The following MAGI1 variants were observed in gnomAD, a reference collection of about 807,000 sequenced individuals.
The protein encoded by MAGI1 is membrane associated guanylate kinase, WW and PDZ domain containing 1.
A neutral mutation model predicts 139.9 loss-of-function variants in MAGI1; 58 were observed. The observed-to-expected ratio is 0.41, with a 90% CI of 0.34 to 0.52. MAGI1 has a LOEUF of 0.52. Ranked by LOEUF, MAGI1 falls within the 20% of genes least tolerant of loss-of-function variation. The pLI is 0.12. For missense variants in MAGI1, 1,874 were observed against 1,901.6 expected (o/e 0.99, Z 0.27); for synonymous variants, 812 against 737.9 (o/e 1.10, Z -1.63).
chr3:65,516,718 C>T (rs1392876946), intron 2 of MAGI1, among the ~76,000 whole-genome samples: 50 of 66,990 alleles, frequency 7.5e-4, no homozygotes, highest in East Asian at 1.7e-3. Flanking sequence ...CATCCCACCT[C>T]TTTTTTTTTT....
chr3:65,383,510 G>GAGAGACAAGCAAA, intron 15 of MAGI1, 22 bp downstream of exon 15: 1 of 1,569,862 alleles, frequency 6.4e-7, no homozygotes, highest in East Asian at 2.2e-5. Flanking sequence ...ATGCTGGGAA[G>GAGAGACAAGCAAA]AGAGACAAGC....
chr3:65,672,706 T>C (rs1345145826), intron 1 of MAGI1, among the ~76,000 whole-genome samples: 1 of 152,200 alleles, frequency 6.6e-6, no homozygotes, highest in African/African-American at 2.4e-5. Context: ...TCAATTCAGT[T>C]GATCAGATAC....
In MAGI1 at chr3:65,963,374, T is replaced by A. The variant is rs142585955; in HGVS notation, c.313+74622A>T. Reference sequence around the variant, plus strand: ...GGCTCACGCCTGTAATCCCACCACTTTGGGAGGCCAAGGTGGGTGGATCAC... The same window carrying A: ...GGCTCACGCCTGTAATCCCACCACTATGGGAGGCCAAGGTGGGTGGATCAC... On this transcript the variant is annotated intron_variant, in intron 1 of 22. Transcript: ENST00000402939. 2.5e-3 allele frequency among the ~76,000 whole-genome samples: 372 copies of A among 149,058 alleles called. 2 individuals are homozygous for A. Among genetic ancestry groups the A allele is most frequent in the African/African-American group, 8.0e-3 (323 of 40,212 alleles).
chr3:65,864,644 G>A (rs139373744), intron 1 of MAGI1, among the ~76,000 whole-genome samples: 1 of 152,332 alleles, frequency 6.6e-6, no homozygotes, highest in Non-Finnish European at 1.5e-5. Flanking sequence ...TTACTACAGA[G>A]AGGAGAAGGT....
At position 65,794,350 on chromosome 3, in the gene MAGI1, T is replaced by C. The variant is rs2039982604; in HGVS notation, c.314-172262A>G. On this transcript the variant is annotated intron_variant, in intron 1 of 22. Transcript: ENST00000402939. The stretch of plus-strand genomic sequence containing the variant: ...AAACTCAACAGCACCTTTTCCTCAG[T>C]TGCTGCTAAGGCATTTGGTCCTTCT... Among the ~76,000 whole-genome samples, 2 of 152,188 alleles carry C rather than the reference T, an allele frequency of 1.3e-5. 1 individual carries two copies. Among genetic ancestry groups the C allele is most frequent in the South Asian group, 4.1e-4 (2 of 4,828 alleles).
At position 65,604,192 on chromosome 3, in the gene MAGI1, C is replaced by CA. The variant is rs532216370; in HGVS notation, c.430+17779dup. Among the ~76,000 whole-genome samples the CA allele has an allele frequency of 5.5e-3, 749 of 136,502 alleles. 9 individuals are homozygous for CA. Among genetic ancestry groups the CA allele is most frequent in the Admixed American group, 0.033 (462 of 13,796 alleles). The allele number at this position is 136,502 out of a possible 152,430, so 89.6% of individuals were successfully genotyped here. ...ATTTATGTTTAAAAACATCCAAATG[C>CA]AAAAAAAAAAAGTATCTGAGGATCA... On this transcript the variant is annotated intron_variant, in intron 2 of 22. Transcript: ENST00000402939.
At chr3:65,987,406 C>G (rs900447365) in intron 1 of MAGI1, among the ~76,000 whole-genome samples, 7 of 152,252 alleles carry the variant, frequency 4.6e-5, no homozygotes, top group African/African-American at 1.4e-4. Context: ...TGTAAGTCAA[C>G]GAACACAGTG....
chr3:65,659,212 GA>G (rs370279394), intron 1 of MAGI1, among the ~76,000 whole-genome samples: 2 of 149,970 alleles, frequency 1.3e-5, no homozygotes, highest in African/African-American at 4.9e-5. Context: ...GTTTCTGGAG[GA>G]AAAAAAAATG....
At chr3:65,791,674 G>T (rs2039782262) in intron 1 of MAGI1, among the ~76,000 whole-genome samples, 1 of 152,112 alleles carries the variant, frequency 6.6e-6, no homozygotes, top group Admixed American at 6.5e-5. Flanking sequence ...TTAAATTAAT[G>T]AGGAGGTAAA....
At chr3:65,619,909 T>C in intron 2 of MAGI1, 1 of 985,252 alleles carries the variant, frequency 1.0e-6, no homozygotes, top group African/African-American at 1.7e-5. Context: ...ATTTACTGGT[T>C]TCACAGCCAT....
At chr3:65,519,164 A>T (rs1229148040) in intron 2 of MAGI1, among the ~76,000 whole-genome samples, 1 of 152,138 alleles carries the variant, frequency 6.6e-6, no homozygotes, top group African/African-American at 2.4e-5. Flanking sequence ...GGTTAGGGCA[A>T]ACATAATTGC....
rs1576778479 is a variant in MAGI1 at position 65,696,775 on chromosome 3, C to A, written c.314-74687G>T. ...TAAAGAAACAAGAATAGGGGAAAAGCCAAACCCTTACAAATTTTCCCTAAA... is the reference window on the plus strand; with the variant it reads ...TAAAGAAACAAGAATAGGGGAAAAGACAAACCCTTACAAATTTTCCCTAAA... On this transcript the variant is annotated intron_variant, in intron 1 of 22. Transcript: ENST00000402939. Among the ~76,000 whole-genome samples, 5 of 152,210 alleles carry A rather than the reference C, an allele frequency of 3.3e-5. No individual in the cohort carries two copies. In the Middle Eastern group the frequency reaches 0.01, roughly 311 times the overall value.
intron 12 of MAGI1, among the ~76,000 whole-genome samples, chr3:65,411,050 A>C (rs1484299994): frequency 6.6e-6 from 1 of 152,166 alleles, no homozygotes; most frequent in African/African-American, 2.4e-5. Context: ...CGTTAACTTA[A>C]AACAACCACT....
rs949068826 is a variant in MAGI1 at position 65,578,843 on chromosome 3, C to T, written c.430+43129G>A. 1.6e-4 allele frequency among the ~76,000 whole-genome samples: 24 copies of T among 151,822 alleles called. 1 individual carries two copies. The highest frequency in any genetic ancestry group is 4.8e-5 in the African/African-American group (2 of 41,278). On this transcript the variant is annotated intron_variant, in intron 2 of 22. Transcript: ENST00000402939. ...GGCTGAGGCACGACAATCACTTGAG[C>T]CTGGGAGATGGAGATTGCCACAAGG... is the stretch of plus-strand genomic sequence containing the variant.
At chr3:65,847,274 G>A (rs930133016) in intron 1 of MAGI1, among the ~76,000 whole-genome samples, 9 of 152,162 alleles carry the variant, frequency 5.9e-5, no homozygotes, top group African/African-American at 1.4e-4. Flanking sequence ...CATAAAATCT[G>A]AGGCAGATGG....
At chr3:65,360,846 A>G (rs1456545091) in intron 22 of MAGI1, 3 of 1,115,066 alleles carry the variant, frequency 2.7e-6, no homozygotes, top group Admixed American at 8.9e-5. Flanking sequence ...CCTGCTTCTT[A>G]AAAGGAGTAT....
chr3:66,006,238 G>T (rs1031255615), intron 1 of MAGI1, among the ~76,000 whole-genome samples: 10 of 152,170 alleles, frequency 6.6e-5, no homozygotes, highest in Admixed American at 2.6e-4. Context: ...GCTGCTATAT[G>T]AATAATGTCA....
intron 14 of MAGI1, among the ~76,000 whole-genome samples, chr3:65,388,811 GA>G (rs1204929073): frequency 6.8e-6 from 1 of 146,248 alleles, no homozygotes. Context: ...GAAAGTGAAG[GA>G]ACAAAACTGG....
At chr3:65,605,575 A>G (rs1206824978) in intron 2 of MAGI1, among the ~76,000 whole-genome samples, 6 of 152,124 alleles carry the variant, frequency 3.9e-5, no homozygotes, top group Non-Finnish European at 8.8e-5. Context: ...TAAAAGAAAA[A>G]CCAGCCCTTG....
Sources: gnomAD v4.1 joint callset for allele counts (sites outside exome capture counted in the v4.1 genomes callset) on GRCh38, gnomAD v4.1.1 for gene constraint, MANE v1.5 for transcripts, NCBI Gene and HGNC (gene_info 2026-07-23, HGNC 2026-07-21) for gene names.